AREL1: variants seen among roughly 807,000 people sequenced by gnomAD.
AREL1 encodes the protein apoptosis resistant E3 ubiquitin protein ligase 1.
A neutral mutation model predicts 99.0 loss-of-function variants in AREL1; 62 were observed. The observed-to-expected ratio is 0.63, with a 90% CI of 0.51 to 0.77. AREL1 has a LOEUF of 0.77. Ranked by LOEUF, AREL1 falls within the 30% of genes least tolerant of loss-of-function variation. AREL1 has a pLI of 0.00. For missense variants in AREL1, 879 were observed against 1,027.6 expected, an observed-to-expected ratio of 0.86 and a Z score of 1.98; for synonymous variants, 380 against 376.5, an observed-to-expected ratio of 1.01 and a Z score of -0.11.
Position 74,675,782 on chromosome 14 carries a change from C to A in AREL1, c.997G>T (p.Glu333Ter). ...QRRPSTAVDE[E>*]DEDSPSECHT... Reference sequence around the variant, plus strand: ...CACTCAGAGGGCGAGTCTTCATCTTCCTCGTCAACAGCAGTGGATGGCCGG... The same window carrying A: ...CACTCAGAGGGCGAGTCTTCATCTTACTCGTCAACAGCAGTGGATGGCCGG... The change falls in exon 8 of 20, where the codon GAA (glutamate) becomes TAA (stop). Residue 333 changes from glutamate (E) to a stop codon, truncating the protein, a stop_gained. Transcript: ENST00000356357. LOFTEE classifies it high-confidence loss of function. The A allele has an allele frequency of 6.8e-6, 11 of 1,614,182 alleles. No individual in the cohort carries two copies. Among genetic ancestry groups the A allele is most frequent in the Non-Finnish European group, 9.3e-6 (11 of 1,180,042 alleles).
intron 9 of AREL1, 28 bp downstream of exon 9, chr14:74,674,006 T>C (rs2089416519): frequency 1.3e-6 from 2 of 1,565,968 alleles, no homozygotes; most frequent in African/African-American, 2.7e-5. Context: ...GCATGCTTGA[T>C]GTGAACCAGA....
chr14:74,667,422 A>C (rs772494627), intron 16 of AREL1, 43 bp downstream of exon 16: 2 of 1,614,210 alleles, frequency 1.2e-6, no homozygotes, highest in Non-Finnish European at 1.7e-6. Context: ...CACCATGGAT[A>C]CAGGTATTTT....
intron 2 of AREL1, among the ~76,000 whole-genome samples, chr14:74,689,282 C>T (rs947251895): frequency 2.0e-4 from 30 of 152,244 alleles, no homozygotes; most frequent in South Asian, 1.0e-3. Context: ...CCCTACCCCA[C>T]GCTATTCTCC....
chr14:74,707,438 G>A (rs1275171094), intron 1 of AREL1, among the ~76,000 whole-genome samples: 4 of 151,082 alleles, frequency 2.6e-5, no homozygotes, highest in African/African-American at 7.3e-5. Flanking sequence ...CAAGGTGGGC[G>A]GATTACGAGG....
intron 1 of AREL1, among the ~76,000 whole-genome samples, chr14:74,694,989 G>A (rs1479929961): frequency 4.8e-5 from 5 of 104,224 alleles, no homozygotes; most frequent in Admixed American, 3.1e-4. Flanking sequence ...ACTCTGTCTC[G>A]GAAAAAAAAA....
chr14:74,664,972 G>T (rs2089180848), intron 17 of AREL1, 47 bp from the exon 18 acceptor site: 2 of 1,528,758 alleles, frequency 1.3e-6, no homozygotes, highest in South Asian at 2.3e-5. Flanking sequence ...GAGAGACAAA[G>T]ACCCAATATA....
chr14:74,678,518 A>C (rs2139899682), intron 5 of AREL1, among the ~76,000 whole-genome samples: 1 of 151,914 alleles, frequency 6.6e-6, no homozygotes, highest in Non-Finnish European at 1.5e-5. Context: ...AGAAAAGAAG[A>C]GGGAGCTACA....
At chr14:74,671,385 G>T in intron 12 of AREL1, 23 bp downstream of exon 12, 11 of 626,966 alleles carry the variant, frequency 1.8e-5, no homozygotes, top group African/African-American at 2.5e-5. Flanking sequence ...TCAAAAAGAT[G>T]AATATAAAAT....
intron 11 of AREL1, chr14:74,672,020 C>T (rs1310916126): frequency 2.2e-6 from 1 of 454,840 alleles, no homozygotes; most frequent in African/African-American, 2.0e-5. Flanking sequence ...CCTTCTCATT[C>T]CTGGGGAATG....
intron 5 of AREL1, among the ~76,000 whole-genome samples, chr14:74,678,557 G>T (rs2089548442): frequency 2.0e-5 from 3 of 151,828 alleles, no homozygotes; most frequent in Admixed American, 2.0e-4. Flanking sequence ...TACTGGAGGA[G>T]GGATAGGTAC....
At chr14:74,686,193 C>T (rs572685855) in intron 2 of AREL1, among the ~76,000 whole-genome samples, 14 of 151,992 alleles carry the variant, frequency 9.2e-5, no homozygotes, top group African/African-American at 3.4e-4. Flanking sequence ...AGCAGTGGGT[C>T]TGAAAGTGAA....
Position 74,663,549 on chromosome 14 carries a change from C to G in AREL1, c.*171G>C. 1.5e-6 allele frequency: 1 copy of G among 684,598 alleles called. No homozygotes were observed. Among genetic ancestry groups the G allele is most frequent in the Non-Finnish European group, 2.6e-6 (1 of 385,430 alleles). The allele number at this position is 684,598 out of a possible 1,614,324, so 42.4% of individuals were successfully genotyped here. ...GCCTGTGGTAGATATGGGCAGGGAGCAGGTGAGGTAAAGACAAGGCTTGTA... is the reference window on the plus strand; with the variant it reads ...GCCTGTGGTAGATATGGGCAGGGAGGAGGTGAGGTAAAGACAAGGCTTGTA... On this transcript the variant is annotated 3_prime_UTR_variant, in exon 20 of 20. Coordinates refer to ENST00000356357, the MANE Select transcript of AREL1 (RefSeq NM_001039479.2).
intron 5 of AREL1, among the ~76,000 whole-genome samples, chr14:74,682,173 G>A (rs1474116205): frequency 2.0e-5 from 3 of 152,058 alleles, no homozygotes; most frequent in Non-Finnish European, 2.9e-5. Flanking sequence ...AAAGAGAGAC[G>A]GCTTGAGAGC....
At chr14:74,674,983 A>G (rs2089438777) in intron 8 of AREL1, among the ~76,000 whole-genome samples, 1 of 152,240 alleles carries the variant, frequency 6.6e-6, no homozygotes, top group African/African-American at 2.4e-5. Context: ...AAATTTTTTA[A>G]TCTTAAAAAA....
In AREL1 at chr14:74,669,935, C is replaced by T. The variant is rs1300958159; in HGVS notation, c.1788+12G>A. Reference sequence around the variant, plus strand: ...AGGGGCCTTAGTAGGAAATGCACACCCAAGATGTTACCTTGTAATGCATAC... The same window carrying T: ...AGGGGCCTTAGTAGGAAATGCACACTCAAGATGTTACCTTGTAATGCATAC... On this transcript the variant is annotated intron_variant, in intron 14 of 19. Coordinates refer to ENST00000356357, the MANE Select transcript of AREL1 (RefSeq NM_001039479.2). The T allele has an allele frequency of 5.0e-6, 8 of 1,599,552 alleles. No individual in the cohort carries two copies. Among genetic ancestry groups the T allele is most frequent in the Middle Eastern group, 1.7e-4 (1 of 5,904 alleles).
chr14:74,684,706 C>T (rs757670865), intron 3 of AREL1, 26 bp from the exon 4 acceptor site: 1 of 1,602,310 alleles, frequency 6.2e-7, no homozygotes, highest in Non-Finnish European at 8.5e-7. Context: ...AACACACAAA[C>T]CGCCTGCCAG....
chr14:74,684,680 C>T lies in AREL1; in HGVS notation c.17G>A (p.Gly6Asp). The T allele has an allele frequency of 1.2e-6, 2 of 1,613,766 alleles. No individual in the cohort carries two copies. Among genetic ancestry groups the T allele is most frequent in the Non-Finnish European group, 1.7e-6 (2 of 1,179,764 alleles). The change falls in exon 4 of 20, where the codon GGT becomes GAT. Residue 6 changes from glycine to aspartate, a missense_variant and splice_region_variant. Coordinates refer to ENST00000356357, the MANE Select transcript of AREL1 (RefSeq NM_001039479.2). MFYVI[G>D]GITVSVVAFF... ...TGCAACCACAGACACTGTGATTCCA[C>T]CTATGCAAAAGAGAGAACACACAAA...
At chr14:74,684,217 T>C (rs1427304876) in intron 4 of AREL1, among the ~76,000 whole-genome samples, 2 of 152,228 alleles carry the variant, frequency 1.3e-5, no homozygotes. Flanking sequence ...CTCTTTTCTG[T>C]AATATTTTTC....
chr14:74,692,293 A>G lies in AREL1; in HGVS notation c.-298T>C. ...TCATTCCTGGACTTCTCTCTAGTGCAGGGTGCAATCGACTGCCAAAGGACG... is the reference window on the plus strand; with the variant it reads ...TCATTCCTGGACTTCTCTCTAGTGCGGGGTGCAATCGACTGCCAAAGGACG... On this transcript the variant is annotated 5_prime_UTR_variant, in exon 2 of 20. Transcript: ENST00000356357. 2.2e-6 allele frequency: 1 copy of G among 456,008 alleles called. No homozygotes were observed. Among genetic ancestry groups the G allele is most frequent in the Non-Finnish European group, 4.4e-6 (1 of 226,810 alleles). The allele number at this position is 456,008 out of a possible 1,614,324, so 28.2% of individuals were successfully genotyped here.
Sources: allele counts gnomAD v4.1 joint callset (sites outside exome capture counted in the v4.1 genomes callset), GRCh38; gene constraint gnomAD v4.1.1; transcripts MANE v1.5; gene names NCBI Gene and HGNC (gene_info 2026-07-23, HGNC 2026-07-21).